Variants in DOCK1 observed in about 807,000 individuals in gnomAD.
The protein encoded by DOCK1 is dedicator of cytokinesis 1, also known as dedicator of cytokinesis protein 1.
DOCK1 carries 138 observed loss-of-function variants against 262.7 expected under a neutral mutation model. The observed-to-expected ratio is 0.53, with a 90% CI of 0.46 to 0.61. DOCK1 has a LOEUF of 0.61. Ranked by LOEUF, DOCK1 falls within the 20% of genes least tolerant of loss-of-function variation. The pLI, the probability that DOCK1 is intolerant of heterozygous loss-of-function variation, is 0.00. For missense variants in DOCK1, 1,908 were observed against 2,370.7 expected, an observed-to-expected ratio of 0.80 and a Z score of 4.05; for synonymous variants, 866 against 867.4, an observed-to-expected ratio of 1.00 and a Z score of 0.03.
chr10:127,320,067 C>T (rs1030380920), intron 29 of DOCK1, among the ~76,000 whole-genome samples: 1 of 152,108 alleles, frequency 6.6e-6, no homozygotes, highest in African/African-American at 2.4e-5. Context: ...AAGCCAGAGC[C>T]CTTGTGCACT....
At chr10:127,023,173 T>A in intron 13 of DOCK1, 27 bp from the exon 14 acceptor site, 1 of 1,611,464 alleles carries the variant, frequency 6.2e-7, no homozygotes, top group African/African-American at 1.3e-5. Context: ...GGATTGTTTT[T>A]TAAATGTATG....
chr10:127,445,229 A>C (rs2070457347), intron 50 of DOCK1, among the ~76,000 whole-genome samples: 1 of 152,162 alleles, frequency 6.6e-6, no homozygotes, highest in African/African-American at 2.4e-5. Flanking sequence ...TGGGGACGGC[A>C]GCAGAACCGG....
intron 6 of DOCK1, among the ~76,000 whole-genome samples, chr10:126,994,200 TAC>T (rs1163947839): frequency 6.6e-6 from 1 of 152,256 alleles, no homozygotes; most frequent in East Asian, 1.9e-4. Context: ...TCTCTTTTGT[TAC>T]ACAGTTGTCT....
chr10:127,316,895 C>T (rs576151046), intron 29 of DOCK1, among the ~76,000 whole-genome samples: 3 of 152,052 alleles, frequency 2.0e-5, no homozygotes, highest in Admixed American at 6.5e-5. Flanking sequence ...AGAACAAACA[C>T]CCCCTCTCCA....
At chr10:127,308,803 A>G (rs1003853087) in intron 29 of DOCK1, among the ~76,000 whole-genome samples, 2 of 152,096 alleles carry the variant, frequency 1.3e-5, no homozygotes, top group Admixed American at 6.5e-5. Context: ...TCCGTGGTGT[A>G]TATGTGCCAC....
chr10:127,395,452 A>T (rs537208069), intron 38 of DOCK1, among the ~76,000 whole-genome samples: 10 of 152,244 alleles, frequency 6.6e-5, no homozygotes, highest in African/African-American at 2.4e-4. Flanking sequence ...TAATGCCAAC[A>T]CCTTGAAGGT....
At chr10:127,045,059 G>A (rs1203050395) in intron 21 of DOCK1, among the ~76,000 whole-genome samples, 1 of 151,906 alleles carries the variant, frequency 6.6e-6, no homozygotes, top group Non-Finnish European at 1.5e-5. Flanking sequence ...TTAGCTGCGC[G>A]TGGTGGCACG....
chr10:126,912,002 A>G (rs2031843250), intron 1 of DOCK1, among the ~76,000 whole-genome samples: 1 of 152,180 alleles, frequency 6.6e-6, no homozygotes, highest in Non-Finnish European at 1.5e-5. Flanking sequence ...CAATTCTGTA[A>G]TGCCGGAGTC....
intron 1 of DOCK1, among the ~76,000 whole-genome samples, chr10:126,915,432 G>A (rs913819889): frequency 1.2e-5 from 1 of 83,434 alleles, no homozygotes; most frequent in African/African-American, 3.9e-5. Flanking sequence ...TTTGGGGGCG[G>A]GGGGGGGATG....
intron 38 of DOCK1, among the ~76,000 whole-genome samples, chr10:127,397,162 A>C (rs1348695184): frequency 7.4e-6 from 1 of 135,852 alleles, no homozygotes; most frequent in Admixed American, 7.4e-5. Flanking sequence ...AGCGACTCCT[A>C]TGTGATCTGA....
intron 27 of DOCK1, among the ~76,000 whole-genome samples, chr10:127,132,702 G>A (rs2133161888): frequency 6.6e-6 from 1 of 152,250 alleles, no homozygotes; most frequent in South Asian, 2.1e-4. Flanking sequence ...GCTGAGATGA[G>A]AGCTGTTGAA....
rs184465750 is a variant in DOCK1 at position 127,012,596 on chromosome 10, G to C, written c.1201+222G>C. 6.6e-6 allele frequency among the ~76,000 whole-genome samples: 1 copy of C among 152,272 alleles called. No individual in the cohort carries two copies. The highest frequency in any genetic ancestry group is 1.9e-4 in the East Asian group (1 of 5,182). ...GAACATTGCTGAGAGCCCACTCCTGGATGGAGAGTGGGGTCAGATTAGAAG... is the reference window on the plus strand; with the variant it reads ...GAACATTGCTGAGAGCCCACTCCTGCATGGAGAGTGGGGTCAGATTAGAAG... On this transcript the variant is annotated intron_variant, in intron 12 of 51. Coordinates refer to ENST00000623213, the MANE Select transcript of DOCK1 (RefSeq NM_001290223.2). This position sits in a 1 kb window ranked among gnomAD's most constrained non-coding sequence, Gnocchi z 4.0.
chr10:127,224,292 G>A (rs2058553087), intron 27 of DOCK1, among the ~76,000 whole-genome samples: 1 of 152,094 alleles, frequency 6.6e-6, no homozygotes, highest in South Asian at 2.1e-4. Context: ...CGGGTGCAGT[G>A]GCACACACCT....
At chr10:126,910,246 T>C (rs1466997435) in intron 1 of DOCK1, among the ~76,000 whole-genome samples, 1 of 152,226 alleles carries the variant, frequency 6.6e-6, no homozygotes, top group Non-Finnish European at 1.5e-5. Context: ...CATAAGAAAT[T>C]TAAATTTATT....
At chr10:126,942,244 C>T (rs2035071165) in intron 1 of DOCK1, among the ~76,000 whole-genome samples, 1 of 152,096 alleles carries the variant, frequency 6.6e-6, no homozygotes, top group Non-Finnish European at 1.5e-5. Flanking sequence ...AGGATGGTCT[C>T]GATCTCCTGA....
Position 127,176,143 on chromosome 10 carries a change from G to A in DOCK1, c.2847+48379G>A, listed in dbSNP as rs549319983. 1.3e-4 allele frequency: 203 copies of A among 1,613,954 alleles called. No homozygotes were observed. The highest frequency in any genetic ancestry group is 1.5e-4 in the Non-Finnish European group (178 of 1,180,016). On this transcript the variant is annotated intron_variant, in intron 27 of 51. Transcript: ENST00000623213. This position sits in a 1 kb window ranked among gnomAD's most constrained non-coding sequence, Gnocchi z 4.4. ...CGTGCGGGCACTGTCATGTATTTGC[G>A]GTAGGCTGCTCTGCAGGACACGGGC...
rs182505058 is a variant in DOCK1, at chr10:127,432,320, A to T, written c.4915-963A>T. Among the ~76,000 whole-genome samples, 307 of 152,100 alleles carry T rather than the reference A, an allele frequency of 2.0e-3. 1 individual carries two copies. The highest frequency in any genetic ancestry group is 7.1e-3 in the African/African-American group (293 of 41,500). ...ACTTTTCAGAAGGGGAAGTGGCGTT[A>T]TATTAATCTTACCTGTAATCTACCG... On this transcript the variant is annotated intron_variant, in intron 47 of 51. Coordinates refer to ENST00000623213, the MANE Select transcript of DOCK1 (RefSeq NM_001290223.2).
chr10:127,293,327 A>T (rs891695299), intron 29 of DOCK1, among the ~76,000 whole-genome samples: 1 of 152,204 alleles, frequency 6.6e-6, no homozygotes, highest in African/African-American at 2.4e-5. Flanking sequence ...CAAGTGGGAA[A>T]GGAAAAACTG....
At chr10:127,094,453 C>T (rs912840416) in intron 23 of DOCK1, among the ~76,000 whole-genome samples, 1 of 152,128 alleles carries the variant, frequency 6.6e-6, no homozygotes, top group Non-Finnish European at 1.5e-5. Context: ...CTTCCCTTCC[C>T]CTGTCCTGCT....
Sources: gnomAD v4.1 joint callset for allele counts (sites outside exome capture counted in the v4.1 genomes callset) on GRCh38, gnomAD v4.1.1 for gene constraint, Gnocchi (gnomAD v3.1) non-coding constraint, MANE v1.5 for transcripts, NCBI Gene and HGNC (gene_info 2026-07-23, HGNC 2026-07-21) for gene names.